The following MBP variants were observed in gnomAD, a reference collection of about 807,000 sequenced individuals.
MBP encodes myelin basic protein.
A neutral mutation model predicts 35.8 loss-of-function variants in MBP; 16 were observed. That is an observed-to-expected ratio of 0.45 (90% CI 0.30 to 0.68). MBP has a LOEUF of 0.68. MBP is among the 30% of genes least tolerant of loss of function. MBP has a pLI of 0.08. For synonymous variants in MBP, 143 were observed against 159.6 expected (o/e 0.90, Z 0.78); for missense variants, 380 against 404.7 (o/e 0.94, Z 0.52).
chr18:77,133,612 C>G (rs36069074), upstream of MBP: 16,292 of 151,502 alleles, frequency 0.11, 1,070 homozygotes, highest in Non-Finnish European at 0.15. Context: ...AATGAGGCCC[C>G]GCGTTCCTCC....
intron 1 of MBP, among the ~76,000 whole-genome samples, chr18:77,129,648 TAAAC>T (rs199797599): frequency 0.035 from 5,326 of 152,302 alleles, 133 homozygotes; most frequent in South Asian, 0.087. Flanking sequence ...ACTCTTCCCT[TAAAC>T]AGCTCCAGAG....
chr18:77,117,290 C>T (rs980276159), intron 1 of MBP, among the ~76,000 whole-genome samples: 2 of 152,274 alleles, frequency 1.3e-5, no homozygotes, highest in South Asian at 4.1e-4. Flanking sequence ...ACCTAGCATG[C>T]ATGGTGTATG....
intron 3 of MBP, among the ~76,000 whole-genome samples, chr18:77,037,865 G>A (rs759942084): frequency 2.0e-5 from 3 of 152,226 alleles, no homozygotes; most frequent in Non-Finnish European, 2.9e-5. Flanking sequence ...CAGGCCTCCC[G>A]AGGTCTGCAG....
intron 7 of MBP, 165 bp from the exon 8 acceptor site, chr18:76,985,059 C>T: frequency 2.7e-6 from 4 of 1,474,406 alleles, no homozygotes; most frequent in Admixed American, 1.9e-5. Flanking sequence ...GGGGTGGGGG[C>T]GGGAGAGGCT....
At chr18:77,046,684 G>A (rs564280971) in intron 3 of MBP, among the ~76,000 whole-genome samples, 1 of 152,250 alleles carries the variant, frequency 6.6e-6, no homozygotes, top group Admixed American at 6.5e-5. Flanking sequence ...GTCCCCCGGA[G>A]CTATAAATGA....
chr18:77,106,051 C>T (rs886689865), intron 1 of MBP, among the ~76,000 whole-genome samples: 22 of 152,304 alleles, frequency 1.4e-4, no homozygotes, highest in African/African-American at 5.1e-4. Flanking sequence ...GAACCATCAG[C>T]CCAGACCACG....
chr18:77,100,506 GGGGTGTGTGT>G (rs1379743952), intron 2 of MBP, among the ~76,000 whole-genome samples: 2 of 76,412 alleles, frequency 2.6e-5, no homozygotes, highest in African/African-American at 8.6e-5. Context: ...GATAGAATTT[GGGGTGTGTGT>G]GTGTGTGTGT....
rs916730647 is a variant in MBP, at chr18:77,020,256, G to T, written c.140-2988C>A. On this transcript the variant is annotated intron_variant, in intron 3 of 8. Transcript: ENST00000355994. The surrounding 1 kb of genome is among the most constrained non-coding windows in gnomAD (Gnocchi z 4.1). ...GAAAGGTCTCTGGCCTGGGGTGGGGGAGTGGGGAGAGTGGCTGCAGGTGGC... is the reference window on the plus strand; with the variant it reads ...GAAAGGTCTCTGGCCTGGGGTGGGGTAGTGGGGAGAGTGGCTGCAGGTGGC... 6.6e-6 allele frequency among the ~76,000 whole-genome samples: 1 copy of T among 152,128 alleles called. No individual in the cohort carries two copies. The highest frequency in any genetic ancestry group is 2.4e-5 in the African/African-American group (1 of 41,418).
chr18:76,987,310 T>G, intron 7 of MBP: 1 of 985,450 alleles, frequency 1.0e-6, no homozygotes. Flanking sequence ...AAAAATTAAT[T>G]GTGAGTACTA....
At chr18:76,997,086 G>C (rs1488073175) in intron 4 of MBP, among the ~76,000 whole-genome samples, 1 of 152,144 alleles carries the variant, frequency 6.6e-6, no homozygotes, top group African/African-American at 2.4e-5. Context: ...GGAAAATATA[G>C]CCTCTTTTGG....
intron 2 of MBP, chr18:77,097,188 A>G (rs2145073389): frequency 6.6e-6 from 1 of 152,378 alleles, no homozygotes; most frequent in African/African-American, 2.4e-5. Context: ...GATCCTTTGG[A>G]TAATCGTTCA....
At chr18:77,054,340 C>T (rs553353042) in intron 3 of MBP, among the ~76,000 whole-genome samples, 15 of 152,338 alleles carry the variant, frequency 9.8e-5, no homozygotes, top group African/African-American at 3.4e-4. Context: ...GAGCTCACCC[C>T]CGGATATCTG....
chr18:77,116,362 C>T (rs147274977), intron 1 of MBP, among the ~76,000 whole-genome samples: 5 of 152,318 alleles, frequency 3.3e-5, no homozygotes, highest in African/African-American at 1.2e-4. Flanking sequence ...CTTAACTTCG[C>T]AGGACACATT....
intron 2 of MBP, among the ~76,000 whole-genome samples, chr18:77,075,661 C>G (rs563603041): frequency 6.6e-6 from 1 of 152,148 alleles, no homozygotes; most frequent in Non-Finnish European, 1.5e-5. Flanking sequence ...TATTGAAGAC[C>G]CGCGTGAACT....
intron 4 of MBP, among the ~76,000 whole-genome samples, chr18:77,008,728 G>A (rs1461118643): frequency 1.3e-5 from 2 of 152,344 alleles, no homozygotes; most frequent in East Asian, 3.9e-4. Context: ...GGGGCCAGCA[G>A]GCACATCCTC....
At chr18:77,016,106 ACAAT>A in intron 4 of MBP, 1 of 985,360 alleles carries the variant, frequency 1.0e-6, no homozygotes, top group Non-Finnish European at 1.2e-6. Context: ...TTCTCCACTG[ACAAT>A]CAACTGCAGA....
Position 77,032,391 on chromosome 18 carries a change from C to T in MBP, c.140-15123G>A, listed in dbSNP as rs1452955958. On this transcript the variant is annotated intron_variant, in intron 3 of 8. Transcript: ENST00000355994. ...TTTCCCACAAACGAGGCTCATCAACCCACCCATCTCACACCAATGCCTCCT... is the reference window on the plus strand; with the variant it reads ...TTTCCCACAAACGAGGCTCATCAACTCACCCATCTCACACCAATGCCTCCT... Among the ~76,000 whole-genome samples the T allele has an allele frequency of 2.0e-5, 3 of 152,364 alleles. No homozygotes were observed. The East Asian group carries it at 5.8e-4, about 29-fold the overall frequency.
chr18:77,001,271 C>T (rs1970618667), intron 4 of MBP, among the ~76,000 whole-genome samples: 1 of 152,238 alleles, frequency 6.6e-6, no homozygotes, highest in Admixed American at 6.5e-5. Flanking sequence ...TCCTCGCCTG[C>T]CATCCCAGGC....
intron 3 of MBP, among the ~76,000 whole-genome samples, chr18:77,046,292 C>CG (rs1349087252): frequency 1.3e-5 from 2 of 152,194 alleles, no homozygotes; most frequent in African/African-American, 4.8e-5. Flanking sequence ...AGCTTACTCC[C>CG]GCATTAGCAA....
Sources: gnomAD v4.1 joint callset for allele counts (sites outside exome capture counted in the v4.1 genomes callset) on GRCh38, gnomAD v4.1.1 for gene constraint, Gnocchi (gnomAD v3.1) non-coding constraint, MANE v1.5 for transcripts, NCBI Gene and HGNC (gene_info 2026-07-23, HGNC 2026-07-21) for gene names.